MED27: variants seen among roughly 807,000 people sequenced by gnomAD.
MED27 encodes the protein mediator of RNA polymerase II transcription subunit 27.
A neutral mutation model predicts 38.2 loss-of-function variants in MED27; 30 were observed. That is an observed-to-expected ratio of 0.79 (90% CI 0.59 to 1.07). MED27 has a LOEUF of 1.07. Among genes scored for constraint, MED27 ranks in the 50% least tolerant of loss-of-function variants. MED27 has a pLI of 0.00. For missense variants in MED27, 289 were observed against 397.5 expected, an observed-to-expected ratio of 0.73 and a Z score of 2.32; for synonymous variants, 122 against 153.5, an observed-to-expected ratio of 0.79 and a Z score of 1.52.
At chr9:132,048,537 A>T (rs547156229) in intron 2 of MED27, among the ~76,000 whole-genome samples, 1 of 152,338 alleles carries the variant, frequency 6.6e-6, no homozygotes, top group East Asian at 1.9e-4. Context: ...GCCACTAGTA[A>T]CTAAACTGTT....
At chr9:132,018,752 C>T (rs1236446588) in intron 2 of MED27, among the ~76,000 whole-genome samples, 2 of 152,108 alleles carry the variant, frequency 1.3e-5, no homozygotes, top group African/African-American at 4.8e-5. Context: ...TTTAAGAGAA[C>T]CTGACATTTG....
chr9:132,008,451 G>GC (rs1832409840), intron 3 of MED27, among the ~76,000 whole-genome samples: 1 of 152,188 alleles, frequency 6.6e-6, no homozygotes. Flanking sequence ...GGAAATCCTA[G>GC]AAGTGAGGTC....
At chr9:131,863,754 C>T (rs1337540608) in intron 6 of MED27, among the ~76,000 whole-genome samples, 14 of 152,132 alleles carry the variant, frequency 9.2e-5, no homozygotes, top group African/African-American at 2.9e-4. Flanking sequence ...CGCAGGAGCC[C>T]GGCGCGCCTG....
At chr9:131,901,042 GA>G (rs1829936273) in intron 4 of MED27, among the ~76,000 whole-genome samples, 1 of 139,144 alleles carries the variant, frequency 7.2e-6, no homozygotes, top group Non-Finnish European at 1.5e-5. Context: ...GAGAAAGAAA[GA>G]GGGGGAGAGA....
intron 4 of MED27, among the ~76,000 whole-genome samples, chr9:131,910,989 C>T (rs1830177796): frequency 6.6e-6 from 1 of 151,992 alleles, no homozygotes; most frequent in Non-Finnish European, 1.5e-5. Context: ...TTTAATGATG[C>T]CTGTTTGTAA....
chr9:131,886,588 A>G (rs1839145321), intron 5 of MED27, among the ~76,000 whole-genome samples: 1 of 152,200 alleles, frequency 6.6e-6, no homozygotes. Context: ...AAGAATTTTA[A>G]AGATCTTCCA....
chr9:132,021,081 T>G (rs1475186670), intron 2 of MED27, among the ~76,000 whole-genome samples: 2 of 152,212 alleles, frequency 1.3e-5, no homozygotes, highest in Non-Finnish European at 2.9e-5. Context: ...TAAATGCCAT[T>G]TGAGTTTCTT....
Position 131,917,460 on chromosome 9 carries a change from G to A in MED27, c.573+21921C>T, listed in dbSNP as rs975875064. Among the ~76,000 whole-genome samples the A allele has an allele frequency of 6.6e-6, 1 of 152,126 alleles. No homozygotes were observed. Among genetic ancestry groups the A allele is most frequent in the Non-Finnish European group, 1.5e-5 (1 of 68,030 alleles). On this transcript the variant is annotated intron_variant, in intron 4 of 7. Transcript: ENST00000292035. The surrounding 1 kb of genome is among the most constrained non-coding windows in gnomAD (Gnocchi z 4.6). ...GAATGATGAGTCCAGTGTGGAAGATGAGGGGAGGCAGAGTGTTTCAAAGCA... is the reference window on the plus strand; with the variant it reads ...GAATGATGAGTCCAGTGTGGAAGATAAGGGGAGGCAGAGTGTTTCAAAGCA...
rs1832329303 is a variant in MED27 at position 132,005,076 on chromosome 9, CTG to C, written c.479+9259_479+9260del. ...TTTTCCTTCCCTCATCAAAGACAGA[CTG>C]AGAGAGACACTTTCCTCTTCTACCT... On this transcript the variant is annotated intron_variant, in intron 3 of 7. Coordinates refer to ENST00000292035, the MANE Select transcript of MED27 (RefSeq NM_004269.4). Among the ~76,000 whole-genome samples the C allele has an allele frequency of 2.6e-5, 4 of 152,204 alleles. No individual in the cohort carries two copies. The South Asian group carries it at 8.3e-4, about 32-fold the overall frequency.
At chr9:131,959,243 A>G (rs555261811) in intron 3 of MED27, among the ~76,000 whole-genome samples, 1 of 152,102 alleles carries the variant, frequency 6.6e-6, no homozygotes, top group South Asian at 2.1e-4. Flanking sequence ...ATCTTCTTTC[A>G]TAAGGTGGCT....
At position 131,903,421 on chromosome 9, in the gene MED27, G is replaced by A. The variant is rs1564276449; in HGVS notation, c.574-9429C>T. Among the ~76,000 whole-genome samples, 4 of 152,168 alleles carry A rather than the reference G, an allele frequency of 2.6e-5. No individual in the cohort carries two copies. The South Asian group carries it at 8.3e-4, about 32-fold the overall frequency. ...TTATGGGAGCTACAAGATGAGATTT[G>A]GGTGGGGACACAGAGCCAAACCATA... On this transcript the variant is annotated intron_variant, in intron 4 of 7. Transcript: ENST00000292035.
At chr9:131,906,602 C>T (rs1443249814) in intron 4 of MED27, among the ~76,000 whole-genome samples, 2 of 152,132 alleles carry the variant, frequency 1.3e-5, no homozygotes, top group Non-Finnish European at 2.9e-5. Context: ...TAAAGGAACA[C>T]CTTCCTGGCT....
At chr9:131,989,238 T>C in intron 3 of MED27, among the ~76,000 whole-genome samples, 1 of 152,216 alleles carries the variant, frequency 6.6e-6, no homozygotes, top group East Asian at 1.9e-4. Context: ...AAAAGAACGC[T>C]TTTATTTATA....
At chr9:132,035,096 T>C (rs1322564550) in intron 2 of MED27, among the ~76,000 whole-genome samples, 2 of 152,126 alleles carry the variant, frequency 1.3e-5, no homozygotes, top group African/African-American at 2.4e-5. Flanking sequence ...CATTAAATCC[T>C]TGCAATGCAA....
chr9:132,053,668 T>G (rs962064070), intron 2 of MED27, among the ~76,000 whole-genome samples: 1 of 152,158 alleles, frequency 6.6e-6, no homozygotes, highest in Non-Finnish European at 1.5e-5. Context: ...CCAGGCTGCC[T>G]GCGTCCAGAC....
intron 6 of MED27, among the ~76,000 whole-genome samples, chr9:131,868,428 G>A (rs1056243433): frequency 5.3e-5 from 8 of 152,192 alleles, no homozygotes; most frequent in Non-Finnish European, 4.4e-5. Flanking sequence ...ATAGGCTCAC[G>A]CCACCCCGCC....
intron 3 of MED27, among the ~76,000 whole-genome samples, chr9:131,991,888 A>C (rs1306979791): frequency 6.6e-6 from 1 of 151,898 alleles, no homozygotes; most frequent in Non-Finnish European, 1.5e-5. Flanking sequence ...TGCCCGGCTA[A>C]GTTTTTGTAT....
intron 6 of MED27, among the ~76,000 whole-genome samples, chr9:131,880,137 G>A (rs561397695): frequency 6.6e-6 from 1 of 152,224 alleles, no homozygotes; most frequent in East Asian, 1.9e-4. Flanking sequence ...AGGCTACACC[G>A]CGCATGCTTC....
At chr9:131,925,012 C>G (rs896090347) in intron 4 of MED27, among the ~76,000 whole-genome samples, 3 of 152,156 alleles carry the variant, frequency 2.0e-5, no homozygotes, top group African/African-American at 7.2e-5. Context: ...TGTTCTCACG[C>G]TTACCCAATA....
Sources: gnomAD v4.1 joint callset for allele counts (sites outside exome capture counted in the v4.1 genomes callset) on GRCh38, gnomAD v4.1.1 for gene constraint, Gnocchi (gnomAD v3.1) non-coding constraint, MANE v1.5 for transcripts, NCBI Gene and HGNC (gene_info 2026-07-23, HGNC 2026-07-21) for gene names.